Variants in TENT5D observed in about 807,000 individuals in gnomAD.
The protein encoded by TENT5D is cancer/testis antigen 112.
For missense variants in TENT5D, 191 were observed against 287.0 expected, an observed-to-expected ratio of 0.67 and a Z score of 2.42; for synonymous variants, 103 against 100.6, an observed-to-expected ratio of 1.02 and a Z score of -0.15.
chrX:80,422,926 G>A (rs1931918122), intron 1 of TENT5D, among the ~76,000 whole-genome samples: 1 of 111,866 alleles, frequency 8.9e-6, no homozygotes, highest in African/African-American at 3.3e-5. Flanking sequence ...TTTACTGTGA[G>A]GGTCATGGCG....
chrX:80,426,955 G>T (rs1931999080), intron 1 of TENT5D, among the ~76,000 whole-genome samples: 1 of 111,156 alleles, frequency 9.0e-6, no homozygotes. Context: ...AGTCTCACGA[G>T]ATCTGATGGG....
chrX:80,370,266 G>A lies in TENT5D; in HGVS notation c.-142+27702G>A, dbSNP rs770324176. Among the ~76,000 whole-genome samples the A allele has an allele frequency of 4.5e-5, 5 of 110,515 alleles. No individual in the cohort carries two copies. In the South Asian group the frequency reaches 1.5e-3, roughly 34 times the overall value. On this transcript the variant is annotated intron_variant, in intron 3 of 4. Transcript: ENST00000538312. ...CACAAACCTTTATTAATTATAGGAGGCAAATAAAAAAACAGCCAAATTGTT... is the reference window on the plus strand; with the variant it reads ...CACAAACCTTTATTAATTATAGGAGACAAATAAAAAAACAGCCAAATTGTT...
intron 3 of TENT5D, among the ~76,000 whole-genome samples, chrX:80,370,762 T>C (rs60018028): frequency 0.12 from 13,274 of 111,117 alleles, 904 homozygotes; most frequent in East Asian, 0.48. Flanking sequence ...CTTACAGAAT[T>C]GATAGACATT....
intron 2 of TENT5D, among the ~76,000 whole-genome samples, chrX:80,439,060 C>T (rs928150982): frequency 9.0e-6 from 1 of 111,052 alleles, no homozygotes; most frequent in African/African-American, 3.3e-5. Flanking sequence ...AAAATGTTAG[C>T]TTAAAGGATA....
At chrX:80,381,907 T>C (rs977715205) in intron 3 of TENT5D, among the ~76,000 whole-genome samples, 1 of 112,289 alleles carries the variant, frequency 8.9e-6, no homozygotes, top group Non-Finnish European at 1.9e-5. Context: ...TCGAACATCC[T>C]TCTTTAGCTC....
At chrX:80,348,793 G>C (rs1208633149) in intron 3 of TENT5D, among the ~76,000 whole-genome samples, 1 of 111,450 alleles carries the variant, frequency 9.0e-6, no homozygotes. Flanking sequence ...ATTTGCTGTG[G>C]GTTCGTTAGA....
chrX:80,346,099 G>T (rs1233293226), intron 3 of TENT5D, among the ~76,000 whole-genome samples: 2 of 111,962 alleles, frequency 1.8e-5, no homozygotes, highest in African/African-American at 6.5e-5. Flanking sequence ...TTCAAGAATT[G>T]TCATTTAAAT....
chrX:80,438,508 G>A, intron 1 of TENT5D, 102 bp from the exon 2 acceptor site: 1 of 109,334 alleles, frequency 9.1e-6, no homozygotes, highest in Non-Finnish European at 1.9e-5. Context: ...ATGTATGTAT[G>A]TATGTATATA....
At chrX:80,358,566 TTTTG>T (rs1476729940) in intron 3 of TENT5D, among the ~76,000 whole-genome samples, 4 of 112,242 alleles carry the variant, frequency 3.6e-5, no homozygotes, top group Non-Finnish European at 7.5e-5. Flanking sequence ...CTGTCTATGG[TTTTG>T]TTTATTTTTT....
At chrX:80,392,795 C>T (rs1158725961) in intron 3 of TENT5D, among the ~76,000 whole-genome samples, 2 of 109,846 alleles carry the variant, frequency 1.8e-5, no homozygotes, top group African/African-American at 6.6e-5. Context: ...GGATTACAGG[C>T]GTGAGCCACC....
chrX:80,391,048 A>C (rs187055168), intron 3 of TENT5D, among the ~76,000 whole-genome samples: 1 of 112,217 alleles, frequency 8.9e-6, no homozygotes, highest in Non-Finnish European at 1.9e-5. Context: ...GCTAATATTC[A>C]ATTACCTTTC....
At chrX:80,356,005 G>C (rs1423385109) in intron 3 of TENT5D, among the ~76,000 whole-genome samples, 1 of 112,302 alleles carries the variant, frequency 8.9e-6, no homozygotes, top group Non-Finnish European at 1.9e-5. Context: ...GAGTGCCAAA[G>C]CCAAGAAGAT....
At chrX:80,336,271 G>A (rs946295501) in intron 2 of TENT5D, among the ~76,000 whole-genome samples, 2 of 110,610 alleles carry the variant, frequency 1.8e-5, no homozygotes, top group Non-Finnish European at 3.8e-5. Context: ...CTTTTTGAAA[G>A]AAAGATGGAT....
chrX:80,398,772 CT>C lies in TENT5D; in HGVS notation c.-141-39828del, dbSNP rs202050270. On this transcript the variant is annotated intron_variant, in intron 3 of 4. Transcript: ENST00000538312. ...TGTTCTGTTCCATTGATCTATGTGT[CT>C]TTTTTTTTTATAATGCCAGTGCCTT... Among the ~76,000 whole-genome samples, 628 of 105,233 alleles carry C rather than the reference CT, an allele frequency of 6.0e-3. 9 individuals carry two copies. The highest frequency in any genetic ancestry group is 0.02 in the African/African-American group (567 of 28,991). 91.4% of individuals were successfully genotyped at this position (105,233 alleles called of 115,157 possible). A position where few individuals can be genotyped will look rare whatever the true frequency, so the allele number is the denominator to read the frequency against.
intron 3 of TENT5D, among the ~76,000 whole-genome samples, chrX:80,388,393 G>A (rs768226141): frequency 1.4e-4 from 16 of 112,113 alleles, no homozygotes; most frequent in Non-Finnish European, 2.8e-4. Flanking sequence ...GGCCCATGAT[G>A]TGTACTGGCC....
At chrX:80,367,090 A>G (rs1930526460) in intron 3 of TENT5D, among the ~76,000 whole-genome samples, 1 of 111,793 alleles carries the variant, frequency 8.9e-6, no homozygotes, top group Non-Finnish European at 1.9e-5. Flanking sequence ...TCCAGAGCCT[A>G]AAATCTATCA....
intron 3 of TENT5D, among the ~76,000 whole-genome samples, chrX:80,413,287 C>A (rs1931707218): frequency 8.9e-6 from 1 of 111,949 alleles, no homozygotes. Context: ...AATTATAGTT[C>A]TTTTATACAT....
intron 3 of TENT5D, among the ~76,000 whole-genome samples, chrX:80,380,904 CTT>C (rs1366264817): frequency 9.0e-6 from 1 of 111,517 alleles, no homozygotes; most frequent in Non-Finnish European, 1.9e-5. Context: ...GGTCTTGAAT[CTT>C]TATCCAATTT....
At chrX:80,379,195 A>G (rs1032151500) in intron 3 of TENT5D, among the ~76,000 whole-genome samples, 3 of 104,402 alleles carry the variant, frequency 2.9e-5, no homozygotes, top group Non-Finnish European at 3.9e-5. Flanking sequence ...TCTGCATTCT[A>G]TTGAGATAAT....
Sources: gnomAD v4.1 joint callset for allele counts (sites outside exome capture counted in the v4.1 genomes callset) on GRCh38, gnomAD v4.1.1 for gene constraint, MANE v1.5 for transcripts, NCBI Gene and HGNC (gene_info 2026-07-23, HGNC 2026-07-21) for gene names.